Variants in VOPP1 observed in about 807,000 individuals in gnomAD.
VOPP1 encodes WW domain binding protein VOPP1.
A neutral mutation model predicts 23.5 loss-of-function variants in VOPP1; 8 were observed. That is an observed-to-expected ratio of 0.34 (90% confidence interval 0.20 to 0.61). VOPP1 has a LOEUF of 0.61. Among genes scored for constraint, VOPP1 ranks in the 20% least tolerant of loss-of-function variants. VOPP1 has a pLI of 0.78. For missense variants in VOPP1, 174 were observed against 238.1 expected (o/e 0.73, Z 1.77); for synonymous variants, 83 against 97.3 (o/e 0.85, Z 0.86).
chr7:55,553,025 G>A (rs1171327044), intron 1 of VOPP1, among the ~76,000 whole-genome samples: 1 of 152,190 alleles, frequency 6.6e-6, no homozygotes, highest in Non-Finnish European at 1.5e-5. Context: ...CTTTTTGTCT[G>A]AGTTTCAGTG....
At chr7:55,522,065 C>T (rs1795897805) in intron 1 of VOPP1, among the ~76,000 whole-genome samples, 1 of 152,334 alleles carries the variant, frequency 6.6e-6, no homozygotes, top group South Asian at 2.1e-4. Flanking sequence ...GCAAACAAAG[C>T]TTTCTTTGGG....
intron 2 of VOPP1, among the ~76,000 whole-genome samples, chr7:55,497,993 C>T (rs1583924552): frequency 1.3e-5 from 2 of 152,340 alleles, no homozygotes; most frequent in Admixed American, 1.3e-4. Flanking sequence ...CAAAGACAGA[C>T]ATTAAGCCTA....
intron 2 of VOPP1, among the ~76,000 whole-genome samples, chr7:55,512,205 C>A (rs10251614): frequency 0.22 from 33,273 of 152,072 alleles, 4,174 homozygotes; most frequent in African/African-American, 0.34. Flanking sequence ...GCAGGCGGAT[C>A]ACTTGAGGTC....
chr7:55,518,224 G>A (rs147177061), intron 2 of VOPP1, among the ~76,000 whole-genome samples: 1,672 of 152,358 alleles, frequency 0.011, 11 homozygotes, highest in Middle Eastern at 0.02. Context: ...AAACAACAGA[G>A]TGGAGGGATG....
chr7:55,466,764 A>T (rs1295107966), downstream of VOPP1, among the ~76,000 whole-genome samples: 1 of 152,188 alleles, frequency 6.6e-6, no homozygotes, highest in Non-Finnish European at 1.5e-5. Flanking sequence ...AAGTGCTGAG[A>T]TTACAAGTGT....
At chr7:55,516,024 C>T in intron 2 of VOPP1, 1 of 985,450 alleles carries the variant, frequency 1.0e-6, no homozygotes, top group Non-Finnish European at 1.2e-6. Flanking sequence ...GAAGCGAGGC[C>T]CAAGCAGAAG....
chr7:55,549,245 A>G (rs1797497329), intron 1 of VOPP1, among the ~76,000 whole-genome samples: 1 of 152,238 alleles, frequency 6.6e-6, no homozygotes, highest in Admixed American at 6.5e-5. Flanking sequence ...GGCCATTTAC[A>G]TAGACAGTCA....
rs895792962 is a variant in VOPP1, at chr7:55,517,238, C to T, written c.113+3834G>A. Among the ~76,000 whole-genome samples the T allele has an allele frequency of 2.6e-5, 4 of 151,486 alleles. No individual in the cohort carries two copies. In the East Asian group the frequency reaches 5.8e-4, roughly 22 times the overall value. ...TGCTGGGATTACCAGCATGAGCAAC[C>T]GTGCCCGGCCTAATTTAAGTTTTTT... On this transcript the variant is annotated intron_variant, in intron 2 of 4. Transcript: ENST00000285279.
chr7:55,485,101 AT>A (rs1225487278), intron 4 of VOPP1, among the ~76,000 whole-genome samples: 3 of 152,086 alleles, frequency 2.0e-5, no homozygotes, highest in Admixed American at 6.6e-5. Context: ...TGACCCTGTA[AT>A]TTTTTTCTCC....
chr7:55,557,769 C>G (rs533457232), intron 1 of VOPP1, among the ~76,000 whole-genome samples: 2 of 152,232 alleles, frequency 1.3e-5, no homozygotes, highest in Non-Finnish European at 2.9e-5. Flanking sequence ...CACACAACCA[C>G]AAGGGCAGGA....
At chr7:55,509,997 T>TC (rs1467548474) in intron 2 of VOPP1, among the ~76,000 whole-genome samples, 1 of 152,160 alleles carries the variant, frequency 6.6e-6, no homozygotes, top group Non-Finnish European at 1.5e-5. Flanking sequence ...GACCGTGTCG[T>TC]CATACTGTTC....
chr7:55,564,941 C>T (rs536015399), intron 1 of VOPP1, among the ~76,000 whole-genome samples: 42 of 152,156 alleles, frequency 2.8e-4, no homozygotes, highest in African/African-American at 1.4e-4. Flanking sequence ...TGACTCCTAA[C>T]GACCACCAGA....
chr7:55,468,545 C>G (rs902214042), downstream of VOPP1, among the ~76,000 whole-genome samples: 2 of 152,206 alleles, frequency 1.3e-5, no homozygotes, highest in African/African-American at 4.8e-5. Context: ...TTACTGGTGG[C>G]AGACACACCT....
intron 1 of VOPP1, among the ~76,000 whole-genome samples, chr7:55,526,301 G>A (rs1215395190): frequency 6.6e-6 from 1 of 152,124 alleles, no homozygotes; most frequent in Non-Finnish European, 1.5e-5. Flanking sequence ...CAAGGACTAG[G>A]GTATCTATAT....
chr7:55,525,405 C>A (rs547216152), intron 1 of VOPP1, among the ~76,000 whole-genome samples: 1 of 151,246 alleles, frequency 6.6e-6, no homozygotes, highest in Non-Finnish European at 1.5e-5. Flanking sequence ...AGGAGAATGG[C>A]GTGAACTCGG....
rs140128456 is a variant in VOPP1, at chr7:55,527,717, T to C, written c.55-6587A>G. On this transcript the variant is annotated intron_variant, in intron 1 of 4. Transcript: ENST00000285279. ...AAACTACCCAAATAGGGCTGATATC[T>C]TTATCAATAAAGACTTACATGATTC... Among the ~76,000 whole-genome samples, 367 of 152,322 alleles carry C rather than the reference T, an allele frequency of 2.4e-3. 2 individuals are homozygous for C. Among genetic ancestry groups the C allele is most frequent in the African/African-American group, 7.0e-3 (292 of 41,576 alleles).
At chr7:55,491,818 A>G (rs1350283447) in intron 4 of VOPP1, among the ~76,000 whole-genome samples, 1 of 152,248 alleles carries the variant, frequency 6.6e-6, no homozygotes, top group African/African-American at 2.4e-5. Flanking sequence ...CACAATGAAT[A>G]CTTGTTGAAT....
chr7:55,554,348 T>G (rs548018757), intron 1 of VOPP1, among the ~76,000 whole-genome samples: 1 of 152,136 alleles, frequency 6.6e-6, no homozygotes, highest in Non-Finnish European at 1.5e-5. Context: ...GGGAACTAAC[T>G]TGAGGGTGGC....
At chr7:55,564,123 CAGCT>C (rs1364660092) in intron 1 of VOPP1, among the ~76,000 whole-genome samples, 8 of 152,208 alleles carry the variant, frequency 5.3e-5, no homozygotes, top group Non-Finnish European at 1.2e-4. Context: ...CCTGGCTTCA[CAGCT>C]TCACTCACCG....
Sources: allele counts gnomAD v4.1 joint callset (sites outside exome capture counted in the v4.1 genomes callset), GRCh38; gene constraint gnomAD v4.1.1; transcripts MANE v1.5; gene names NCBI Gene and HGNC (gene_info 2026-07-23, HGNC 2026-07-21).